The following ST7 variants were observed in gnomAD, a reference collection of about 807,000 sequenced individuals.
ST7 encodes the protein suppression of tumorigenicity 7.
Under a neutral mutation model 78.7 loss-of-function variants are expected in ST7, and 28 were observed. The ratio of observed to expected loss-of-function variants is 0.36; its 90% CI spans 0.26 to 0.49. The LOEUF is 0.49. ST7 is among the 20% of genes least tolerant of loss of function. The probability of loss-of-function intolerance (pLI) is 0.99; values close to 1 mark genes in which losing one functional copy is unlikely to be tolerated. For missense variants in ST7, 418 were observed against 696.0 expected (o/e 0.60, Z 4.49); for synonymous variants, 247 against 249.6 (o/e 0.99, Z 0.10).
intron 1 of ST7, among the ~76,000 whole-genome samples, chr7:116,962,957 A>T (rs1792907179): frequency 6.6e-6 from 1 of 152,230 alleles, no homozygotes; most frequent in Non-Finnish European, 1.5e-5. Flanking sequence ...CTTGACTAGA[A>T]TGCAATCTTC....
intron 9 of ST7, among the ~76,000 whole-genome samples, chr7:117,140,195 T>G (rs1342580288): frequency 6.6e-6 from 1 of 152,138 alleles, no homozygotes; most frequent in Non-Finnish European, 1.5e-5. Flanking sequence ...TATGATTTGC[T>G]TTTTGTTTAC....
intron 1 of ST7, among the ~76,000 whole-genome samples, chr7:116,986,135 A>G (rs749834764): frequency 6.6e-6 from 1 of 152,240 alleles, no homozygotes; most frequent in Non-Finnish European, 1.5e-5. Context: ...GCCCAGCGTG[A>G]TAATTTTAAT....
chr7:117,071,168 G>A (rs1459894747), intron 1 of ST7, among the ~76,000 whole-genome samples: 2 of 152,118 alleles, frequency 1.3e-5, no homozygotes, highest in Non-Finnish European at 2.9e-5. Context: ...GCAGTGAGCC[G>A]AGATCGCGCC....
intron 1 of ST7, among the ~76,000 whole-genome samples, chr7:116,988,272 C>T (rs1252290900): frequency 6.6e-6 from 1 of 152,146 alleles, no homozygotes; most frequent in Non-Finnish European, 1.5e-5. Context: ...TTACGTGGAT[C>T]TCTTTGGAGT....
chr7:117,025,497 C>A (rs1796137827), intron 1 of ST7, among the ~76,000 whole-genome samples: 1 of 152,098 alleles, frequency 6.6e-6, no homozygotes, highest in African/African-American at 2.4e-5. Flanking sequence ...ATTTTAGATG[C>A]TTTCATCTTA....
chr7:117,194,669 C>A (rs1810116558), intron 12 of ST7, among the ~76,000 whole-genome samples: 1 of 152,188 alleles, frequency 6.6e-6, no homozygotes, highest in Non-Finnish European at 1.5e-5. Context: ...TCATGTAATG[C>A]TGGACAAACA....
Position 117,219,043 on chromosome 7 carries a change from C to A in ST7, c.1406-41C>A. ...TTTTTGCAGTTGGGAAGTTATGACA[C>A]AAACATTGGACATCTCTGACATATT... On this transcript the variant is annotated intron_variant, in intron 13 of 15. Transcript: ENST00000323984. This position sits in a 1 kb window ranked among gnomAD's most constrained non-coding sequence, Gnocchi z 5.1. 6.5e-7 allele frequency: 1 copy of A among 1,538,860 alleles called. No homozygotes were observed. Among genetic ancestry groups the A allele is most frequent in the Non-Finnish European group, 8.9e-7 (1 of 1,123,968 alleles).
intron 9 of ST7, among the ~76,000 whole-genome samples, chr7:117,148,321 T>C (rs1190160039): frequency 6.6e-6 from 1 of 152,218 alleles, no homozygotes; most frequent in Admixed American, 6.5e-5. Flanking sequence ...GAATACCTAC[T>C]CTAACTTATT....
rs935829072 is a variant in ST7, at chr7:117,202,264, G to T, written c.1255-7523G>T. The stretch of plus-strand genomic sequence containing the variant: ...GGCGTGAGCCACCGCGCCCGGCCTC[G>T]AAGCTATCTTGAGAGATCTCGGGTG... On this transcript the variant is annotated intron_variant, in intron 12 of 15. Coordinates refer to ENST00000323984, the MANE Select transcript of ST7 (RefSeq NM_001369598.1). Among the ~76,000 whole-genome samples the T allele has an allele frequency of 2.6e-5, 4 of 151,580 alleles. 1 individual carries two copies. The highest frequency in any genetic ancestry group is 9.7e-5 in the African/African-American group (4 of 41,270).
chr7:116,987,511 C>T (rs1404587237), intron 1 of ST7, among the ~76,000 whole-genome samples: 1 of 152,234 alleles, frequency 6.6e-6, no homozygotes, highest in African/African-American at 2.4e-5. Flanking sequence ...CCTGACTCTG[C>T]ATCACACCCT....
intron 1 of ST7, among the ~76,000 whole-genome samples, chr7:116,967,907 A>G (rs1191502223): frequency 3.3e-5 from 5 of 152,166 alleles, no homozygotes; most frequent in African/African-American, 7.2e-5. Flanking sequence ...CTTCATTTTC[A>G]TAGTTACATG....
intron 1 of ST7, among the ~76,000 whole-genome samples, chr7:117,097,878 C>A (rs1323517138): frequency 1.7e-4 from 3 of 18,160 alleles, no homozygotes; most frequent in Non-Finnish European, 4.1e-4. Context: ...TATGACATAT[C>A]ACTATATATA....
At chr7:116,964,140 T>C (rs12534048) in intron 1 of ST7, among the ~76,000 whole-genome samples, 149,821 of 152,308 alleles carry the variant, frequency 0.98, 73,740 homozygotes, top group East Asian at 1. Context: ...ACACATAAGC[T>C]GCTCATATCT....
intron 1 of ST7, chr7:116,956,666 C>T: frequency 2.1e-6 from 1 of 470,770 alleles, no homozygotes; most frequent in South Asian, 1.6e-5. Context: ...TGCTTGGTAT[C>T]TTCTCAATAT....
chr7:117,146,184 A>G (rs1805776604), intron 9 of ST7: 1 of 152,186 alleles, frequency 6.6e-6, no homozygotes, highest in Admixed American at 6.5e-5. Context: ...GTGACAAGTC[A>G]AAGAATTGAG....
intron 15 of ST7, chr7:117,224,016 G>A: frequency 3.4e-6 from 3 of 891,996 alleles, no homozygotes; most frequent in Non-Finnish European, 4.0e-6. Flanking sequence ...AGAGTTGAAA[G>A]GGACCTGAAG....
intron 2 of ST7, among the ~76,000 whole-genome samples, chr7:117,116,902 T>C (rs1267002654): frequency 1.3e-5 from 2 of 152,248 alleles, no homozygotes; most frequent in African/African-American, 4.8e-5. Flanking sequence ...TGGTCCCATT[T>C]GATAGACTAC....
intron 10 of ST7, among the ~76,000 whole-genome samples, chr7:117,180,874 A>G (rs1450321122): frequency 1.3e-5 from 2 of 152,124 alleles, no homozygotes; most frequent in African/African-American, 2.4e-5. Flanking sequence ...TGTTTCTTGA[A>G]TTCCTGGGCT....
intron 12 of ST7, among the ~76,000 whole-genome samples, chr7:117,198,770 G>A (rs984255604): frequency 1.3e-5 from 2 of 152,054 alleles, no homozygotes; most frequent in African/African-American, 4.8e-5. Context: ...TCCTAGGCAT[G>A]CATGAGGTTG....
Sources: gnomAD v4.1 joint callset for allele counts (sites outside exome capture counted in the v4.1 genomes callset) on GRCh38, gnomAD v4.1.1 for gene constraint, Gnocchi (gnomAD v3.1) non-coding constraint, MANE v1.5 for transcripts, NCBI Gene and HGNC (gene_info 2026-07-23, HGNC 2026-07-21) for gene names.